Variants in DCLK2 observed in about 807,000 individuals in gnomAD.
DCLK2 encodes the protein doublecortin like kinase 2.
Under a neutral mutation model 78.4 loss-of-function variants are expected in DCLK2, and 31 were observed. The observed-to-expected ratio is 0.40, with a 90% CI of 0.30 to 0.53. The LOEUF (loss-of-function observed/expected upper bound fraction) is 0.53, where lower values mean the gene tolerates loss of function less well. DCLK2 is among the 20% of genes least tolerant of loss of function. The pLI, the probability that DCLK2 is intolerant of heterozygous loss-of-function variation, is 0.61. For missense variants in DCLK2, 872 were observed against 973.7 expected, an observed-to-expected ratio of 0.90 and a Z score of 1.39; for synonymous variants, 407 against 374.9, an observed-to-expected ratio of 1.09 and a Z score of -0.99.
intron 1 of DCLK2, among the ~76,000 whole-genome samples, chr4:150,091,767 TTATGTG>T (rs144096365): frequency 0.11 from 15,196 of 133,630 alleles, 855 homozygotes; most frequent in Admixed American, 0.18. Context: ...AAAGGAACAT[TTATGTG>T]TGTGTGTGTG....
At chr4:150,254,421 G>A in intron 15 of DCLK2, 1 of 398,912 alleles carries the variant, frequency 2.5e-6, no homozygotes, top group Non-Finnish European at 4.4e-6. Flanking sequence ...CTTCCCTCTG[G>A]CTAGGTCCAA....
At chr4:150,171,409 A>C (rs1305045335) in intron 2 of DCLK2, among the ~76,000 whole-genome samples, 2 of 152,192 alleles carry the variant, frequency 1.3e-5, no homozygotes, top group African/African-American at 4.8e-5. Flanking sequence ...TGAACCTGGG[A>C]GGCGGAGCTT....
chr4:150,081,830 TAAA>T (rs144505113), intron 1 of DCLK2, among the ~76,000 whole-genome samples: 5 of 143,142 alleles, frequency 3.5e-5, no homozygotes, highest in Non-Finnish European at 6.0e-5. Context: ...CATCTCTACT[TAAA>T]AAAAAAAAAA....
intron 8 of DCLK2, among the ~76,000 whole-genome samples, chr4:150,228,309 C>T (rs1741769412): frequency 6.6e-6 from 1 of 152,178 alleles, no homozygotes; most frequent in African/African-American, 2.4e-5. Flanking sequence ...GTATATTTAT[C>T]ACAGAAATCA....
At chr4:150,239,266 A>G (rs777262008) in intron 10 of DCLK2, among the ~76,000 whole-genome samples, 1 of 152,196 alleles carries the variant, frequency 6.6e-6, no homozygotes, top group Non-Finnish European at 1.5e-5. Flanking sequence ...GAAAAAAATT[A>G]GCACTTTAAA....
rs191498609 is a variant in DCLK2 at position 150,183,268 on chromosome 4, C to A, written c.757-9870C>A. 2.8e-3 allele frequency among the ~76,000 whole-genome samples: 425 copies of A among 152,248 alleles called. 1 individual carries two copies. Among genetic ancestry groups the A allele is most frequent in the Non-Finnish European group, 4.5e-3 (305 of 68,020 alleles). ...TAGCCGTGGAAAATATCTCAAGAGA[C>A]CCTCATTTAATGCAATCTGAAGTCT... On this transcript the variant is annotated intron_variant, in intron 2 of 15. Transcript: ENST00000296550.
intron 2 of DCLK2, among the ~76,000 whole-genome samples, chr4:150,163,626 T>A (rs1212987224): frequency 6.6e-6 from 1 of 152,150 alleles, no homozygotes; most frequent in Non-Finnish European, 1.5e-5. Flanking sequence ...CTGAATTAAA[T>A]AAGATACTAT....
chr4:150,184,938 C>A (rs894274971), intron 2 of DCLK2, among the ~76,000 whole-genome samples: 11 of 152,244 alleles, frequency 7.2e-5, no homozygotes, highest in African/African-American at 2.6e-4. Context: ...TAACACACCC[C>A]ACTCGGGTTC....
chr4:150,123,818 G>T (rs989605303), intron 2 of DCLK2, among the ~76,000 whole-genome samples: 6 of 152,158 alleles, frequency 3.9e-5, no homozygotes, highest in African/African-American at 1.2e-4. Context: ...AGGGCGGGAA[G>T]AGTGCTTGAG....
chr4:150,220,196 G>C lies in DCLK2; in HGVS notation c.1057-507G>C, dbSNP rs369476967. Among the ~76,000 whole-genome samples, 308 of 152,282 alleles carry C rather than the reference G, an allele frequency of 2.0e-3. 1 individual carries two copies. The highest frequency in any genetic ancestry group is 4.7e-3 in the African/African-American group (195 of 41,546). On this transcript the variant is annotated intron_variant, in intron 5 of 15. Coordinates refer to ENST00000296550, the MANE Select transcript of DCLK2 (RefSeq NM_001040260.4). ...AGCTTTTTAAACATTCTGCCATAGA[G>C]TGCTGTCGATTTGGAGTTGCCTTCA...
intron 4 of DCLK2, chr4:150,199,123 T>C: frequency 6.5e-7 from 1 of 1,537,246 alleles, no homozygotes; most frequent in Non-Finnish European, 8.8e-7. Flanking sequence ...TGGGTTTTTG[T>C]TTTTGTTTTT....
chr4:150,239,342 A>G (rs542902626), intron 10 of DCLK2, among the ~76,000 whole-genome samples: 15 of 152,322 alleles, frequency 9.8e-5, no homozygotes, highest in Admixed American at 2.0e-4. Context: ...TCATGCCTGT[A>G]TTCCCAGCAC....
chr4:150,194,510 G>A (rs1738722663), intron 3 of DCLK2, among the ~76,000 whole-genome samples: 1 of 152,070 alleles, frequency 6.6e-6, no homozygotes, highest in Non-Finnish European at 1.5e-5. Context: ...GTAGTATTTG[G>A]CAATAATAAT....
At chr4:150,085,478 C>G (rs1729575010) in intron 1 of DCLK2, among the ~76,000 whole-genome samples, 2 of 152,098 alleles carry the variant, frequency 1.3e-5, no homozygotes, top group Admixed American at 1.3e-4. Flanking sequence ...CTAACCCACT[C>G]CCACAATAAC....
chr4:150,103,685 A>G (rs766209646), intron 2 of DCLK2, among the ~76,000 whole-genome samples: 5 of 152,190 alleles, frequency 3.3e-5, no homozygotes, highest in African/African-American at 9.7e-5. Flanking sequence ...GAGAATGAAT[A>G]ATATAAAACA....
chr4:150,153,211 G>T (rs183909420), intron 2 of DCLK2, among the ~76,000 whole-genome samples: 2 of 152,300 alleles, frequency 1.3e-5, no homozygotes, highest in East Asian at 3.9e-4. Context: ...GAGTATGGGG[G>T]TGGGGATGGA....
intron 2 of DCLK2, among the ~76,000 whole-genome samples, chr4:150,157,887 C>A (rs1735429651): frequency 6.6e-6 from 1 of 152,140 alleles, no homozygotes; most frequent in Non-Finnish European, 1.5e-5. Flanking sequence ...CCTCAGCCTC[C>A]CACAGTGCTG....
At chr4:150,224,375 C>T in intron 7 of DCLK2, 126 bp from the exon 8 acceptor site, 1 of 807,990 alleles carries the variant, frequency 1.2e-6, no homozygotes, top group South Asian at 2.1e-5. Flanking sequence ...CAAGACCAAC[C>T]TGGGCAACAT....
chr4:150,227,194 T>G (rs1378529181), intron 8 of DCLK2, among the ~76,000 whole-genome samples: 1 of 152,238 alleles, frequency 6.6e-6, no homozygotes, highest in Non-Finnish European at 1.5e-5. Context: ...GTGTTCCCTC[T>G]CTAAGTTCAA....
Sources: gnomAD v4.1 joint callset for allele counts (sites outside exome capture counted in the v4.1 genomes callset) on GRCh38, gnomAD v4.1.1 for gene constraint, MANE v1.5 for transcripts, NCBI Gene and HGNC (gene_info 2026-07-23, HGNC 2026-07-21) for gene names.